IDO2: variants seen among roughly 807,000 people sequenced by gnomAD.
IDO2 encodes the protein indoleamine 2,3-dioxygenase-like 1 protein.
IDO2 carries 46 observed loss-of-function variants against 45.1 expected under a neutral mutation model. The observed-to-expected ratio is 1.02, with a 90% CI of 0.80 to 1.30. The LOEUF (loss-of-function observed/expected upper bound fraction) is 1.30. Among genes scored for constraint, IDO2 ranks in the 50% most tolerant of loss-of-function variants. IDO2 has a pLI of 0.00. For synonymous variants in IDO2, 218 were observed against 184.9 expected (o/e 1.18, Z -1.45); for missense variants, 544 against 491.8 (o/e 1.11, Z -1.00).
intron 3 of IDO2, among the ~76,000 whole-genome samples, chr8:39,977,787 A>T (rs990931340): frequency 2.6e-5 from 4 of 152,194 alleles, no homozygotes; most frequent in African/African-American, 9.7e-5. Context: ...GTGATTCTGA[A>T]AGCCAATTTT....
intron 5 of IDO2, 111 bp from the exon 6 acceptor site, chr8:39,985,397 T>A (rs1157934530): frequency 3.3e-6 from 3 of 907,720 alleles, no homozygotes; most frequent in Admixed American, 2.4e-5. Context: ...CAAGTGTGCA[T>A]GCCTGTGGAC....
Position 39,935,124 on chromosome 8 carries a change from ACACC to A in IDO2, c.-111_-108del, listed in dbSNP as rs1349903578. On this transcript the variant is annotated 5_prime_UTR_variant, in exon 1 of 11. The change creates a premature stop within an existing upstream ORF in the 5' untranslated region. Coordinates refer to ENST00000502986, the Ensembl canonical transcript of IDO2. ...TGTACCATAATACAGAAGGCAATGG[ACACC>A]TAAAGAACAGAATGAAAACCTTCTT... The A allele has an allele frequency of 3.9e-6, 5 of 1,273,696 alleles. No homozygotes were observed. Among genetic ancestry groups the A allele is most frequent in the Non-Finnish European group, 5.8e-6 (5 of 869,242 alleles). 78.9% of individuals were successfully genotyped at this position (1,273,696 alleles called of 1,614,324 possible). A position where few individuals can be genotyped will look rare whatever the true frequency, so the allele number is the denominator to read the frequency against.
intron 2 of IDO2, among the ~76,000 whole-genome samples, chr8:39,961,320 C>CTTTTTTTTTTTTTTT (rs57577433): frequency 9.4e-6 from 1 of 106,116 alleles, no homozygotes; most frequent in Non-Finnish European, 1.9e-5. Flanking sequence ...TTGTATACTT[C>CTTTTTTTTTTTTTTT]TTTTTTTTTT....
intron 2 of IDO2, among the ~76,000 whole-genome samples, chr8:39,958,271 A>G (rs1035265901): frequency 6.6e-5 from 10 of 151,386 alleles, no homozygotes; most frequent in African/African-American, 2.2e-4. Context: ...GCTTGATCTC[A>G]GCTCACTGCA....
intron 10 of IDO2, among the ~76,000 whole-genome samples, chr8:40,014,287 A>G (rs1802354061): frequency 6.6e-6 from 1 of 152,238 alleles, no homozygotes; most frequent in South Asian, 2.1e-4. Flanking sequence ...TTAGTGTCGT[A>G]GATTCAAGTC....
chr8:39,971,770 T>G (rs2129594120), intron 3 of IDO2, among the ~76,000 whole-genome samples: 1 of 152,266 alleles, frequency 6.6e-6, no homozygotes, highest in African/African-American at 2.4e-5. Context: ...TGGAATCTGA[T>G]TTTATAACTG....
chr8:39,949,377 G>C lies in IDO2; in HGVS notation c.99+113G>C, dbSNP rs1213210478. On this transcript the variant is annotated intron_variant, in intron 2 of 10. Coordinates refer to ENST00000502986, the Ensembl canonical transcript of IDO2. ...AAGAGACCAATATAAATATCAAGTT[G>C]TTTACCTGAGAAAGATGCTACAAAG... is the stretch of plus-strand genomic sequence containing the variant. The C allele has an allele frequency of 5.6e-6, 4 of 718,984 alleles. No individual in the cohort carries two copies. The Admixed American group carries it at 1.2e-4, about 22-fold the overall frequency. 44.5% of individuals were successfully genotyped at this position (718,984 alleles called of 1,614,324 possible).
rs181848358 is a variant in IDO2 at position 39,942,281 on chromosome 8, G to A, written c.-17-6868G>A. On this transcript the variant is annotated intron_variant, in intron 1 of 10. Transcript: ENST00000502986. ...AGAAGCTCAGAATTTTATGCCAGGT[G>A]TTGAAAGGCCATGTAGCTAATAGAT... Among the ~76,000 whole-genome samples, 9 of 152,336 alleles carry A rather than the reference G, an allele frequency of 5.9e-5. No individual in the cohort carries two copies. The East Asian group carries it at 1.7e-3, about 29-fold the overall frequency.
At chr8:40,010,728 T>G (rs908068352) in intron 9 of IDO2, among the ~76,000 whole-genome samples, 8 of 152,092 alleles carry the variant, frequency 5.3e-5, no homozygotes, top group Admixed American at 2.6e-4. Context: ...GAGACATCAT[T>G]TACTCCAATG....
At chr8:39,964,050 G>A (rs1808043132) in intron 3 of IDO2, among the ~76,000 whole-genome samples, 2 of 152,170 alleles carry the variant, frequency 1.3e-5, no homozygotes, top group African/African-American at 4.8e-5. Context: ...CTCATTCCAT[G>A]TACGTACTCA....
intron 5 of IDO2, chr8:39,985,132 C>T (rs755601559): frequency 1.6e-5 from 5 of 311,216 alleles, no homozygotes; most frequent in African/African-American, 4.4e-5. Context: ...GGTTTTACCA[C>T]GTTGGCCAGT....
chr8:39,936,194 A>G (rs1041639510), intron 1 of IDO2, among the ~76,000 whole-genome samples: 27 of 152,322 alleles, frequency 1.8e-4, no homozygotes, highest in African/African-American at 6.3e-4. Flanking sequence ...GCTCTATTTT[A>G]CAAGGTCATC....
chr8:39,981,315 C>G (rs1459535154), intron 4 of IDO2, among the ~76,000 whole-genome samples: 2 of 152,206 alleles, frequency 1.3e-5, no homozygotes, highest in Non-Finnish European at 2.9e-5. Flanking sequence ...CCGCCTTCGC[C>G]TCCCAAAGTG....
intron 2 of IDO2, among the ~76,000 whole-genome samples, chr8:39,955,525 G>C (rs188985030): frequency 6.6e-6 from 1 of 152,038 alleles, no homozygotes; most frequent in East Asian, 1.9e-4. Flanking sequence ...GAAAATGCTG[G>C]GGTTACAGGT....
rs552090640 is a variant in IDO2, at chr8:39,987,725, C to T, written c.450-146C>T. Reference sequence around the variant, plus strand: ...CCCTGAATGTTGCTGAAGGTAGATGCCCATCCTCAGGGCTGTCTTACGGAG... The same window carrying T: ...CCCTGAATGTTGCTGAAGGTAGATGTCCATCCTCAGGGCTGTCTTACGGAG... On this transcript the variant is annotated intron_variant, in intron 6 of 10. Coordinates refer to ENST00000502986, the Ensembl canonical transcript of IDO2. The T allele has an allele frequency of 4.0e-5, 23 of 575,868 alleles. No homozygotes were observed. The Admixed American group carries it at 5.3e-4, about 13-fold the overall frequency. 35.7% of individuals were successfully genotyped at this position (575,868 alleles called of 1,614,324 possible).
chr8:39,981,084 C>T (rs1161731976), intron 4 of IDO2, among the ~76,000 whole-genome samples: 3 of 132,940 alleles, frequency 2.3e-5, no homozygotes, highest in East Asian at 2.3e-4. Flanking sequence ...TTTTTCGAGA[C>T]GGAGTCTCAC....
intron 4 of IDO2, among the ~76,000 whole-genome samples, chr8:39,982,314 A>G (rs1410374212): frequency 6.6e-6 from 1 of 151,570 alleles, no homozygotes; most frequent in Non-Finnish European, 1.5e-5. Context: ...TTTTCCGTTG[A>G]TAATATTCTC....
chr8:39,979,883 A>C (rs976371330), intron 4 of IDO2, among the ~76,000 whole-genome samples: 1 of 152,104 alleles, frequency 6.6e-6, no homozygotes, highest in Non-Finnish European at 1.5e-5. Context: ...GCAGTGGTGC[A>C]ATCATAGCTC....
intron 3 of IDO2, among the ~76,000 whole-genome samples, chr8:39,969,114 A>C (rs1308331599): frequency 3.3e-5 from 5 of 152,172 alleles, no homozygotes; most frequent in Non-Finnish European, 7.3e-5. Flanking sequence ...AACAGTTGTG[A>C]AACTGCTTTA....
Sources: gnomAD v4.1 joint callset for allele counts (sites outside exome capture counted in the v4.1 genomes callset) on GRCh38, gnomAD v4.1.1 for gene constraint, MANE v1.5 for transcripts, NCBI Gene and HGNC (gene_info 2026-07-23, HGNC 2026-07-21) for gene names.